The following SPOCK3 variants were observed in gnomAD, a reference collection of about 807,000 sequenced individuals.
SPOCK3 encodes SPARC (osteonectin), cwcv and kazal like domains proteoglycan 3, also known as testican-3.
SPOCK3 carries 30 observed loss-of-function variants against 56.6 expected under a neutral mutation model. The ratio of observed to expected loss-of-function variants is 0.53; its 90% CI spans 0.40 to 0.72. The LOEUF is 0.72. Ranked by LOEUF, SPOCK3 falls within the 30% of genes least tolerant of loss-of-function variation. The pLI is 0.00. For missense variants in SPOCK3, 527 were observed against 530.0 expected, an observed-to-expected ratio of 0.99 and a Z score of 0.06; for synonymous variants, 196 against 183.3, an observed-to-expected ratio of 1.07 and a Z score of -0.56.
chr4:166,918,960 G>A (rs1353077726), intron 4 of SPOCK3, among the ~76,000 whole-genome samples: 2 of 152,094 alleles, frequency 1.3e-5, no homozygotes, highest in African/African-American at 4.8e-5. Context: ...CTGGCCATGT[G>A]ATCTCTGCAC....
intron 4 of SPOCK3, among the ~76,000 whole-genome samples, chr4:166,985,192 T>C (rs373772496): frequency 3.9e-5 from 6 of 152,096 alleles, no homozygotes; most frequent in East Asian, 3.9e-4. Flanking sequence ...TACCTTTGGA[T>C]TGTTTGAAAC....
chr4:167,193,589 T>C (rs1732663442), intron 2 of SPOCK3, among the ~76,000 whole-genome samples: 1 of 146,120 alleles, frequency 6.8e-6, no homozygotes, highest in Non-Finnish European at 1.5e-5. Flanking sequence ...TATCAGAATA[T>C]CCCAATTTCA....
intron 2 of SPOCK3, among the ~76,000 whole-genome samples, chr4:167,191,134 T>G (rs1317291540): frequency 6.8e-6 from 1 of 146,048 alleles, no homozygotes; most frequent in African/African-American, 2.6e-5. Flanking sequence ...ATACACAGTA[T>G]AGGATTGTTT....
At chr4:166,865,441 C>T (rs779253315) in intron 6 of SPOCK3, among the ~76,000 whole-genome samples, 3 of 152,062 alleles carry the variant, frequency 2.0e-5, no homozygotes, top group Non-Finnish European at 4.4e-5. Flanking sequence ...GGCAATGAGG[C>T]AAGAGAAAGA....
intron 4 of SPOCK3, among the ~76,000 whole-genome samples, chr4:166,943,014 G>C (rs1446455129): frequency 2.6e-5 from 4 of 152,096 alleles, no homozygotes; most frequent in Admixed American, 2.6e-4. Flanking sequence ...AGAAAACATT[G>C]CATTCCATGT....
At chr4:167,126,664 C>T (rs778753593) in intron 2 of SPOCK3, among the ~76,000 whole-genome samples, 23 of 152,018 alleles carry the variant, frequency 1.5e-4, no homozygotes, top group Non-Finnish European at 3.2e-4. Flanking sequence ...TGGTCTTCTT[C>T]TCAGGCCCAC....
chr4:166,911,280 G>T (rs768953157), intron 5 of SPOCK3, among the ~76,000 whole-genome samples: 2 of 152,106 alleles, frequency 1.3e-5, no homozygotes, highest in Non-Finnish European at 2.9e-5. Flanking sequence ...TTAATTAAGA[G>T]CATTGTAGTG....
intron 7 of SPOCK3, among the ~76,000 whole-genome samples, chr4:166,781,426 AC>A (rs1335884294): frequency 3.0e-5 from 3 of 99,802 alleles, no homozygotes; most frequent in Non-Finnish European, 4.3e-5. Context: ...AGAAAATAAA[AC>A]AGAGGAGGAG....
rs562069440 is a variant in SPOCK3, at chr4:167,058,612, G to A, written c.235+3880C>T. Among the ~76,000 whole-genome samples the A allele has an allele frequency of 4.4e-3, 677 of 152,182 alleles. 7 individuals carry two copies. Among genetic ancestry groups the A allele is most frequent in the African/African-American group, 0.015 (636 of 41,510 alleles). Reference sequence around the variant, plus strand: ...ATAGATTCAATGCCATCCCCATCAAGCTACCAATGACTTTCTTCACAGAAT... The same window carrying A: ...ATAGATTCAATGCCATCCCCATCAAACTACCAATGACTTTCTTCACAGAAT... On this transcript the variant is annotated intron_variant, in intron 3 of 10. Coordinates refer to ENST00000357545, the MANE Select transcript of SPOCK3 (RefSeq NM_001040159.2).
intron 2 of SPOCK3, chr4:167,083,286 C>A (rs1757887705): frequency 1.3e-6 from 1 of 765,030 alleles, no homozygotes; most frequent in Non-Finnish European, 2.4e-6. Context: ...AAGCCCAAAT[C>A]CTGTGTCAGG....
At chr4:166,808,696 T>G (rs573706894) in intron 6 of SPOCK3, among the ~76,000 whole-genome samples, 1 of 152,232 alleles carries the variant, frequency 6.6e-6, no homozygotes, top group East Asian at 1.9e-4. Flanking sequence ...TTCTACTACT[T>G]GCCACCCTTG....
intron 2 of SPOCK3, among the ~76,000 whole-genome samples, chr4:167,137,421 C>T (rs934748018): frequency 6.6e-6 from 1 of 151,666 alleles, no homozygotes; most frequent in Non-Finnish European, 1.5e-5. Flanking sequence ...TTAAAAAATT[C>T]AATATGGAGG....
intron 9 of SPOCK3, among the ~76,000 whole-genome samples, chr4:166,740,277 T>C (rs1734692711): frequency 6.6e-6 from 1 of 152,066 alleles, no homozygotes; most frequent in Non-Finnish European, 1.5e-5. Context: ...TTCTCTATAA[T>C]AATTTTCATT....
chr4:167,206,565 AAT>A (rs949713914), intron 2 of SPOCK3, among the ~76,000 whole-genome samples: 102 of 152,230 alleles, frequency 6.7e-4, no homozygotes, highest in African/African-American at 2.3e-3. Flanking sequence ...TTTCTCAACA[AAT>A]ATATGTTTGC....
At chr4:166,778,502 G>A (rs1283111781) in intron 7 of SPOCK3, among the ~76,000 whole-genome samples, 3 of 152,126 alleles carry the variant, frequency 2.0e-5, no homozygotes, top group Non-Finnish European at 2.9e-5. Flanking sequence ...CAGATTTGGC[G>A]AGGGGAAGGG....
chr4:167,067,786 T>C (rs1015293957), intron 2 of SPOCK3, among the ~76,000 whole-genome samples: 5 of 151,870 alleles, frequency 3.3e-5, no homozygotes, highest in African/African-American at 1.2e-4. Context: ...GCATCAATGC[T>C]ATACTACACC....
intron 6 of SPOCK3, among the ~76,000 whole-genome samples, chr4:166,850,846 A>G (rs1309613960): frequency 1.3e-5 from 2 of 152,216 alleles, no homozygotes; most frequent in East Asian, 3.9e-4. Flanking sequence ...GATTGCTAGC[A>G]CAGCAGTCTG....
At position 167,019,734 on chromosome 4, in the gene SPOCK3, T is replaced by G. The variant is rs115555131; in HGVS notation, c.236-19271A>C. ...TAGGGACTACTGAGCATTCTCCAAA[T>G]ATCACTTTTTCTTCTCCTGAACATT... is the stretch of plus-strand genomic sequence containing the variant. On this transcript the variant is annotated intron_variant, in intron 3 of 10. Coordinates refer to ENST00000357545, the MANE Select transcript of SPOCK3 (RefSeq NM_001040159.2). 6.2e-3 allele frequency among the ~76,000 whole-genome samples: 949 copies of G among 152,220 alleles called. 7 individuals are homozygous for G. The highest frequency in any genetic ancestry group is 0.019 in the African/African-American group (780 of 41,562).
intron 4 of SPOCK3, among the ~76,000 whole-genome samples, chr4:166,979,360 T>C (rs957942990): frequency 1.3e-5 from 2 of 152,112 alleles, no homozygotes; most frequent in Non-Finnish European, 2.9e-5. Flanking sequence ...GGTGGTAAAC[T>C]CCAACCCTAC....
Sources: gnomAD v4.1 joint callset for allele counts (sites outside exome capture counted in the v4.1 genomes callset) on GRCh38, gnomAD v4.1.1 for gene constraint, MANE v1.5 for transcripts, NCBI Gene and HGNC (gene_info 2026-07-23, HGNC 2026-07-21) for gene names.